SAXO3: variants seen among roughly 807,000 people sequenced by gnomAD.
SAXO3 encodes CTB-60B18.10.
the SAXO3 span, chr19:49,019,723 C>A: frequency 8.5e-7 from 1 of 1,173,726 alleles, no homozygotes; most frequent in Non-Finnish European, 1.1e-6. Flanking sequence ...GCGCGGGTCC[C>A]CGCTGGGAGA....
the SAXO3 span, chr19:49,018,156 C>G: frequency 5.0e-6 from 2 of 403,244 alleles, no homozygotes; most frequent in Non-Finnish European, 8.7e-6. Flanking sequence ...AGAGACAGGG[C>G]TCCCCGGTGC....
At chr19:49,018,761 G>T in the SAXO3 span, 2 of 931,098 alleles carry the variant, frequency 2.1e-6, no homozygotes, top group Non-Finnish European at 3.2e-6. Flanking sequence ...TGCTACAGAA[G>T]TCGAGGCTGA....
At chr19:49,018,288 C>G in the SAXO3 span, 7 of 1,157,540 alleles carry the variant, frequency 6.0e-6, no homozygotes, top group Non-Finnish European at 6.5e-6. Flanking sequence ...GGCGTCTCTT[C>G]GAAGCTCCAG....
chr19:49,018,436 G>T, the SAXO3 span: 1 of 732,738 alleles, frequency 1.4e-6, no homozygotes, highest in Non-Finnish European at 1.9e-6. Flanking sequence ...TCAAACTCCT[G>T]CATTTCCAGG....
the SAXO3 span, chr19:49,018,932 G>T: frequency 2.6e-6 from 4 of 1,534,478 alleles, no homozygotes; most frequent in Non-Finnish European, 3.5e-6. Context: ...GGCGGTCCAG[G>T]ACGCCCCGGT....
the SAXO3 span, chr19:49,020,352 G>T: frequency 2.4e-6 from 1 of 414,302 alleles, no homozygotes; most frequent in East Asian, 3.6e-5. Context: ...GCCCGGCAGG[G>T]CTGCAGCGTA....
chr19:49,018,940 G>A, the SAXO3 span: 4 of 1,534,378 alleles, frequency 2.6e-6, no homozygotes, highest in Non-Finnish European at 3.5e-6. Context: ...AGGACGCCCC[G>A]GTCGGATACT....
chr19:49,019,686 G>T, the SAXO3 span: 23 of 1,237,124 alleles, frequency 1.9e-5, 1 homozygote, highest in Non-Finnish European at 1.9e-5. Flanking sequence ...CGAGTTGTGG[G>T]GGCTGGGGCC....
At chr19:49,019,211 C>T in the SAXO3 span, 1 of 1,393,642 alleles carries the variant, frequency 7.2e-7, no homozygotes, top group Non-Finnish European at 9.3e-7. Context: ...TTCCCAGCCT[C>T]ACCTCCCTAA....
chr19:49,019,194 C>G, the SAXO3 span: 1,603 of 1,405,586 alleles, frequency 1.1e-3, 13 homozygotes, highest in African/African-American at 0.02. Context: ...TTCTCATACC[C>G]GAACCCTTCC....
chr19:49,020,405 T>A, the SAXO3 span: 1 of 399,528 alleles, frequency 2.5e-6, no homozygotes, highest in South Asian at 1.2e-4. Flanking sequence ...AGGGTATGGG[T>A]GGGATAATGC....
At chr19:49,018,048 G>A in the SAXO3 span, 8 of 398,612 alleles carry the variant, frequency 2.0e-5, no homozygotes, top group African/African-American at 4.1e-5. Context: ...ATGCCCCGCA[G>A]GGGCTTCCAG....
chr19:49,019,689 C>G, the SAXO3 span: 3 of 1,230,124 alleles, frequency 2.4e-6, no homozygotes, highest in African/African-American at 4.8e-5. Flanking sequence ...GTTGTGGGGG[C>G]TGGGGCCCGA....
the SAXO3 span, chr19:49,019,970 G>A: frequency 1.8e-5 from 28 of 1,514,622 alleles, no homozygotes; most frequent in Non-Finnish European, 2.5e-5. Flanking sequence ...TGGGGCTCTG[G>A]GCTGGGCGCA....
chr19:49,018,899 C>T, the SAXO3 span: 1 of 1,534,442 alleles, frequency 6.5e-7, no homozygotes, highest in South Asian at 1.2e-5. Flanking sequence ...AGTCCCGCGC[C>T]GAGGTGGTCA....
chr19:49,019,697 C>T, the SAXO3 span: 1 of 1,210,906 alleles, frequency 8.3e-7, no homozygotes, highest in African/African-American at 1.6e-5. Flanking sequence ...GGCTGGGGCC[C>T]GAAGTATTCC....
At chr19:49,019,603 G>C in the SAXO3 span, 1 of 1,250,412 alleles carries the variant, frequency 8.0e-7, no homozygotes, top group Non-Finnish European at 1.0e-6. Flanking sequence ...CCAGGCTCCC[G>C]GAGCTCCGCC....
At chr19:49,020,023 T>TCC in the SAXO3 span, 8 of 1,469,830 alleles carry the variant, frequency 5.4e-6, no homozygotes, top group Non-Finnish European at 7.1e-6. Flanking sequence ...AGCCAGAGGT[T>TCC]GTCTCCCATC....
the SAXO3 span, chr19:49,018,227 C>A: frequency 1.5e-6 from 1 of 678,262 alleles, no homozygotes; most frequent in Non-Finnish European, 2.1e-6. Flanking sequence ...TCGGGGCGGC[C>A]GGGAGGAGCG....
Sources: allele counts gnomAD v4.1 joint callset, GRCh38; gene constraint gnomAD v4.1.1; transcripts MANE v1.5; gene names NCBI Gene and HGNC (gene_info 2026-07-23, HGNC 2026-07-21).